The following ROS1 variants were observed in gnomAD, a reference collection of about 807,000 sequenced individuals.
ROS1 encodes the protein proto-oncogene tyrosine-protein kinase ROS.
A neutral mutation model predicts 273.5 loss-of-function variants in ROS1; 263 were observed. That is an observed-to-expected ratio of 0.96 (90% CI 0.87 to 1.06). The LOEUF (loss-of-function observed/expected upper bound fraction) is 1.06, where lower values mean the gene tolerates loss of function less well. ROS1 is among the 50% of genes least tolerant of loss of function. The probability of loss-of-function intolerance (pLI) is 0.00; values close to 1 mark genes in which losing one functional copy is unlikely to be tolerated. For synonymous variants in ROS1, 1,008 were observed against 954.1 expected (o/e 1.06, Z -1.04); for missense variants, 2,833 against 2,751.1 (o/e 1.03, Z -0.67).
chr6:117,329,309 T>C lies in ROS1; in HGVS notation c.5348+20A>G. 2 of 1,066,772 alleles carry C rather than the reference T, an allele frequency of 1.9e-6. No homozygotes were observed. The highest frequency in any genetic ancestry group is 2.9e-6 in the Non-Finnish European group (2 of 701,104). The allele number at this position is 1,066,772 out of a possible 1,614,324, so 66.1% of individuals were successfully genotyped here. A position where few individuals can be genotyped will look rare whatever the true frequency, so the allele number is the denominator to read the frequency against. ...TTCTTAGTTCTTTGTCATTTACAAG[T>C]ACTTTGCAAACACACATACCTTATC... On this transcript the variant is annotated intron_variant, in intron 33 of 43. Coordinates refer to ENST00000368507, the MANE Select transcript of ROS1 (RefSeq NM_001378902.1).
At chr6:117,424,757 A>G (rs941041626) in intron 1 of ROS1, among the ~76,000 whole-genome samples, 7 of 152,200 alleles carry the variant, frequency 4.6e-5, no homozygotes, top group Non-Finnish European at 1.0e-4. Context: ...ATACTTTAGA[A>G]TAATATAATG....
intron 4 of ROS1, among the ~76,000 whole-genome samples, chr6:117,411,215 CT>C (rs1159303012): frequency 3.1e-5 from 4 of 130,218 alleles, no homozygotes; most frequent in Non-Finnish European, 6.4e-5. Flanking sequence ...GTTTCCTTCT[CT>C]CAATCTCTCT....
intron 17 of ROS1, among the ~76,000 whole-genome samples, chr6:117,381,672 A>C (rs751665434): frequency 2.0e-5 from 3 of 152,100 alleles, no homozygotes; most frequent in Non-Finnish European, 2.9e-5. Context: ...TTGGTTCCCT[A>C]TCTTTGCAAT....
At chr6:117,329,219 T>A (rs1776871520) in intron 33 of ROS1, 110 bp downstream of exon 33, 1 of 653,098 alleles carries the variant, frequency 1.5e-6, no homozygotes. Flanking sequence ...TAACTAAAGA[T>A]CTTTGTGTTT....
chr6:117,388,164 T>C (rs1772750694), intron 13 of ROS1, 172 bp from the exon 14 acceptor site: 5 of 982,928 alleles, frequency 5.1e-6, no homozygotes, highest in Non-Finnish European at 7.5e-6. Flanking sequence ...GCTAGGACAG[T>C]GTTCATTCCT....
chr6:117,290,594 T>C (rs1773764888), intron 43 of ROS1, among the ~76,000 whole-genome samples: 1 of 152,224 alleles, frequency 6.6e-6, no homozygotes, highest in African/African-American at 2.4e-5. Context: ...ATATGCCGGC[T>C]GACTGGCTAT....
chr6:117,338,152 C>G (rs1777613165), intron 31 of ROS1, among the ~76,000 whole-genome samples: 1 of 152,008 alleles, frequency 6.6e-6, no homozygotes, highest in African/African-American at 2.4e-5. Context: ...GTCAGGGGTT[C>G]TTGGTGTATT....
At chr6:117,367,227 G>T (rs975238287) in intron 18 of ROS1, among the ~76,000 whole-genome samples, 1 of 152,154 alleles carries the variant, frequency 6.6e-6, no homozygotes, top group East Asian at 1.9e-4. Context: ...AAATCATGAT[G>T]GAGACAGCAA....
chr6:117,418,241 G>A (rs1775481082), intron 2 of ROS1, among the ~76,000 whole-genome samples: 1 of 152,186 alleles, frequency 6.6e-6, no homozygotes, highest in East Asian at 1.9e-4. Context: ...CAATTACATA[G>A]AGACAAAATC....
At chr6:117,385,419 G>C (rs537441074) in intron 16 of ROS1, among the ~76,000 whole-genome samples, 2 of 152,018 alleles carry the variant, frequency 1.3e-5, no homozygotes, top group African/African-American at 4.8e-5. Flanking sequence ...GCCAGGCATG[G>C]TGGCATATGC....
chr6:117,407,506 C>A (rs1476870607), intron 5 of ROS1, among the ~76,000 whole-genome samples: 2 of 152,136 alleles, frequency 1.3e-5, no homozygotes, highest in Non-Finnish European at 2.9e-5. Flanking sequence ...ACCTTCTGTA[C>A]CTTTTACAAA....
chr6:117,337,599 A>G (rs918968753), intron 31 of ROS1, among the ~76,000 whole-genome samples: 2 of 152,126 alleles, frequency 1.3e-5, no homozygotes, highest in African/African-American at 4.8e-5. Context: ...CTATATGTCA[A>G]CGAGGAAGAT....
At chr6:117,350,459 G>A (rs1778738050) in intron 27 of ROS1, among the ~76,000 whole-genome samples, 1 of 151,854 alleles carries the variant, frequency 6.6e-6, no homozygotes, top group African/African-American at 2.4e-5. Context: ...GATAGGCCTA[G>A]TGTAGATTTT....
At chr6:117,370,300 T>C (rs930186527) in intron 18 of ROS1, among the ~76,000 whole-genome samples, 2 of 152,156 alleles carry the variant, frequency 1.3e-5, no homozygotes, top group Admixed American at 1.3e-4. Context: ...TATGAACCCT[T>C]TGGGGACCCA....
intron 1 of ROS1, among the ~76,000 whole-genome samples, chr6:117,421,793 T>A (rs1775781092): frequency 6.6e-6 from 1 of 152,190 alleles, no homozygotes; most frequent in Non-Finnish European, 1.5e-5. Context: ...TTTTTTCCAC[T>A]TTTTGGCTTT....
chr6:117,345,357 C>T (rs1004136301), intron 27 of ROS1, among the ~76,000 whole-genome samples: 2 of 152,124 alleles, frequency 1.3e-5, no homozygotes, highest in Admixed American at 6.5e-5. Context: ...AGGACATCTC[C>T]TCTCTGTCCT....
chr6:117,405,836 C>T (rs778565878), intron 5 of ROS1, among the ~76,000 whole-genome samples: 15 of 152,110 alleles, frequency 9.9e-5, no homozygotes, highest in Non-Finnish European at 1.8e-4. Context: ...ATATCCCTTA[C>T]CAGCTATGTG....
chr6:117,373,380 AC>A (rs1438768400), intron 18 of ROS1, among the ~76,000 whole-genome samples: 2 of 152,212 alleles, frequency 1.3e-5, no homozygotes, highest in Non-Finnish European at 2.9e-5. Flanking sequence ...GCGGAAGCCC[AC>A]CACGGGGGGA....
At chr6:117,397,167 G>T in intron 7 of ROS1, 51 bp from the exon 8 acceptor site, 36 of 1,170,134 alleles carry the variant, frequency 3.1e-5, no homozygotes, top group Admixed American at 1.2e-4. Context: ...CAAGCATGAT[G>T]TTTTTAAAAT....
Sources: allele counts gnomAD v4.1 joint callset (sites outside exome capture counted in the v4.1 genomes callset), GRCh38; gene constraint gnomAD v4.1.1; transcripts MANE v1.5; gene names NCBI Gene and HGNC (gene_info 2026-07-23, HGNC 2026-07-21).